Variants in RNF150 observed in about 807,000 individuals in gnomAD.
RNF150 encodes the protein ring finger protein 150.
RNF150 carries 24 observed loss-of-function variants against 39.3 expected under a neutral mutation model. The observed-to-expected ratio is 0.61, with a 90% CI of 0.44 to 0.86. The LOEUF (loss-of-function observed/expected upper bound fraction) is 0.86. RNF150 is among the 40% of genes least tolerant of loss of function. The probability of loss-of-function intolerance (pLI) is 0.00; values close to 1 mark genes in which losing one functional copy is unlikely to be tolerated. For missense variants in RNF150, 502 were observed against 587.8 expected (o/e 0.85, Z 1.51); for synonymous variants, 255 against 227.3 (o/e 1.12, Z -1.10).
chr4:141,103,824 T>G (rs1264018206), intron 1 of RNF150, among the ~76,000 whole-genome samples: 2 of 152,192 alleles, frequency 1.3e-5, no homozygotes, highest in Admixed American at 6.5e-5. Context: ...GAAACACTAG[T>G]GTGGAAGTTT....
chr4:140,935,048 TATATATA>T (rs1731801897), intron 4 of RNF150, among the ~76,000 whole-genome samples: 9 of 46,702 alleles, frequency 1.9e-4, no homozygotes, highest in Admixed American at 9.3e-4. Context: ...TATATATAAA[TATATATA>T]TTATATATAT....
intron 4 of RNF150, among the ~76,000 whole-genome samples, chr4:140,942,548 C>G (rs11100695): frequency 0.099 from 15,114 of 152,202 alleles, 1,106 homozygotes; most frequent in East Asian, 0.38. Flanking sequence ...TTGGTGTATC[C>G]TCTGGGAAAC....
intron 1 of RNF150, among the ~76,000 whole-genome samples, chr4:141,143,098 G>A (rs984100683): frequency 2.0e-5 from 3 of 152,068 alleles, no homozygotes; most frequent in African/African-American, 7.2e-5. Flanking sequence ...GCAAACTCCT[G>A]AGCTCAGGCT....
intron 1 of RNF150, among the ~76,000 whole-genome samples, chr4:141,000,025 A>G (rs1264194086): frequency 7.5e-5 from 3 of 40,052 alleles, no homozygotes; most frequent in East Asian, 5.3e-4. Context: ...AAGAAGAAGA[A>G]GAAGAAGAAG....
At chr4:140,879,337 TAAC>T (rs1729288763) in intron 6 of RNF150, among the ~76,000 whole-genome samples, 1 of 152,274 alleles carries the variant, frequency 6.6e-6, no homozygotes, top group Non-Finnish European at 1.5e-5. Flanking sequence ...ATGGACATTT[TAAC>T]AACATTGTCT....
At chr4:141,210,517 G>A (rs1019813733) in intron 1 of RNF150, among the ~76,000 whole-genome samples, 3 of 151,092 alleles carry the variant, frequency 2.0e-5, no homozygotes, top group African/African-American at 7.3e-5. Context: ...AGAGGGTAGT[G>A]GTGATAAGAG....
intron 1 of RNF150, among the ~76,000 whole-genome samples, chr4:141,147,990 G>T (rs1252283960): frequency 1.3e-5 from 2 of 152,038 alleles, no homozygotes; most frequent in African/African-American, 2.4e-5. Context: ...CCATATATTG[G>T]TTGGTAACAT....
At chr4:141,064,650 T>C (rs912701914) in intron 1 of RNF150, among the ~76,000 whole-genome samples, 1 of 152,118 alleles carries the variant, frequency 6.6e-6, no homozygotes, top group South Asian at 2.1e-4. Context: ...AAGATAATTA[T>C]GTTTACACTG....
At chr4:140,894,387 T>C (rs1729864157) in intron 6 of RNF150, among the ~76,000 whole-genome samples, 3 of 152,320 alleles carry the variant, frequency 2.0e-5, no homozygotes, top group Middle Eastern at 6.8e-3. Context: ...TGTTAATATA[T>C]TCTGTGACCT....
At chr4:141,114,509 T>C (rs1234972464) in intron 1 of RNF150, among the ~76,000 whole-genome samples, 1 of 152,124 alleles carries the variant, frequency 6.6e-6, no homozygotes, top group African/African-American at 2.4e-5. Flanking sequence ...AGGCAGTAAT[T>C]AATGGCCTAC....
intron 1 of RNF150, among the ~76,000 whole-genome samples, chr4:141,066,726 G>A (rs12643721): frequency 0.015 from 2,208 of 152,140 alleles, 97 homozygotes; most frequent in East Asian, 0.14. Context: ...GACTACTGAC[G>A]TAAATTAATA....
At chr4:141,025,568 T>C (rs1307809352) in intron 1 of RNF150, among the ~76,000 whole-genome samples, 1 of 151,832 alleles carries the variant, frequency 6.6e-6, no homozygotes, top group Non-Finnish European at 1.5e-5. Context: ...GGGGAAGAAA[T>C]TGGTAAATTT....
In RNF150 at chr4:140,969,514, C is replaced by T. The variant is rs532433701; in HGVS notation, c.485-1641G>A. Among the ~76,000 whole-genome samples the T allele has an allele frequency of 2.1e-4, 32 of 152,214 alleles. 1 individual carries two copies. Among genetic ancestry groups the T allele is most frequent in the African/African-American group, 7.7e-4 (32 of 41,550 alleles). Reference sequence around the variant, plus strand: ...TTAAGGCTGCTGGCTGGTTTTGTCTCTAAAGAAACATGATCTTCTTTGTAT... The same window carrying T: ...TTAAGGCTGCTGGCTGGTTTTGTCTTTAAAGAAACATGATCTTCTTTGTAT... On this transcript the variant is annotated intron_variant, in intron 1 of 6. Transcript: ENST00000515673.
At chr4:141,143,622 C>A (rs563996485) in intron 1 of RNF150, among the ~76,000 whole-genome samples, 71 of 152,308 alleles carry the variant, frequency 4.7e-4, no homozygotes, top group African/African-American at 1.5e-3. Flanking sequence ...AAACGTAAAT[C>A]CCCCACTTTA....
At chr4:141,199,125 C>T (rs1728251087) in intron 1 of RNF150, among the ~76,000 whole-genome samples, 1 of 152,112 alleles carries the variant, frequency 6.6e-6, no homozygotes, top group Non-Finnish European at 1.5e-5. Flanking sequence ...AAAAGATGCT[C>T]AACATAATTA....
chr4:141,162,614 C>T (rs549167448), intron 1 of RNF150, among the ~76,000 whole-genome samples: 120 of 152,082 alleles, frequency 7.9e-4, no homozygotes, highest in African/African-American at 2.8e-3. Context: ...CAAGGCTCAT[C>T]CCATTGGGAC....
Position 140,911,171 on chromosome 4 carries a change from C to T in RNF150, c.1171G>A (p.Glu391Lys). The change falls in exon 6 of 7, where the codon GAG becomes AAG. Residue 391 changes from glutamate (E) to lysine (K), a missense_variant. Physicochemically the swap from Glu to Lys is moderately conservative, Grantham distance 56 (BLOSUM62 1). Coordinates refer to ENST00000515673, the MANE Select transcript of RNF150 (RefSeq NM_020724.2). ...TTAGTAGTAAAGATGACGTCTCCCT[C>T]CTGGGGGATGGGGTCTGTATCCTGG... is the stretch of plus-strand genomic sequence containing the variant. ...VVQDTDPIPQ[E>K]GDVIFTTNSE... The T allele has an allele frequency of 6.2e-7, 1 of 1,614,144 alleles. No individual in the cohort carries two copies. The highest frequency in any genetic ancestry group is 8.5e-7 in the Non-Finnish European group (1 of 1,179,986).
At chr4:140,939,036 T>C (rs1442463168) in intron 4 of RNF150, among the ~76,000 whole-genome samples, 1 of 152,180 alleles carries the variant, frequency 6.6e-6, no homozygotes, top group Non-Finnish European at 1.5e-5. Context: ...GGTTTTGACT[T>C]TTCAACAGCC....
At position 141,132,193 on chromosome 4, in the gene RNF150, G is replaced by C. The variant is rs1159684161; in HGVS notation, c.484+132C>G. On this transcript the variant is annotated intron_variant, in intron 1 of 6. Transcript: ENST00000515673. The surrounding 1 kb of genome is among the most constrained non-coding windows in gnomAD (Gnocchi z 4.9). ...AAGTGACGCGGAGCAAAACTTAATCGGTCCAGGGAACCCAGACACGTCTTC... is the reference window on the plus strand; with the variant it reads ...AAGTGACGCGGAGCAAAACTTAATCCGTCCAGGGAACCCAGACACGTCTTC... 1.1e-6 allele frequency: 1 copy of C among 901,312 alleles called. No individual in the cohort carries two copies. The allele number at this position is 901,312 out of a possible 1,614,324, so 55.8% of individuals were successfully genotyped here.
Sources: gnomAD v4.1 joint callset for allele counts (sites outside exome capture counted in the v4.1 genomes callset) on GRCh38, gnomAD v4.1.1 for gene constraint, Gnocchi (gnomAD v3.1) non-coding constraint, MANE v1.5 for transcripts, NCBI Gene and HGNC (gene_info 2026-07-23, HGNC 2026-07-21) for gene names.